Variants in SPRED2 observed in about 807,000 individuals in gnomAD.
The protein encoded by SPRED2 is sprouty-related, EVH1 domain-containing protein 2.
A neutral mutation model predicts 43.0 loss-of-function variants in SPRED2; 47 were observed. The ratio of observed to expected loss-of-function variants is 1.09; its 90% CI spans 0.87 to 1.40. SPRED2 has a LOEUF of 1.40. SPRED2 is among the 40% of genes most tolerant of loss of function. The probability of loss-of-function intolerance (pLI) is 0.00; values close to 1 mark genes in which losing one functional copy is unlikely to be tolerated. For synonymous variants in SPRED2, 225 were observed against 225.7 expected (o/e 1.00, Z 0.03); for missense variants, 561 against 586.4 (o/e 0.96, Z 0.45).
chr2:65,366,688 T>C, intron 1 of SPRED2: 1 of 1,537,214 alleles, frequency 6.5e-7, no homozygotes, highest in Non-Finnish European at 8.8e-7. Context: ...GATCGTCTCT[T>C]GCTGACCTGA....
intron 1 of SPRED2, among the ~76,000 whole-genome samples, chr2:65,382,753 A>G (rs140661185): frequency 7.9e-5 from 12 of 152,362 alleles, no homozygotes; most frequent in Non-Finnish European, 1.5e-4. Context: ...TCTTTTTGTA[A>G]TAAGGCTTCA....
chr2:65,424,838 G>A (rs1164246207), intron 1 of SPRED2, among the ~76,000 whole-genome samples: 1 of 151,958 alleles, frequency 6.6e-6, no homozygotes, highest in Non-Finnish European at 1.5e-5. Flanking sequence ...TACAATCCCA[G>A]CTACTCAGGA....
At chr2:65,374,687 C>T (rs936158934) in intron 1 of SPRED2, among the ~76,000 whole-genome samples, 1 of 152,192 alleles carries the variant, frequency 6.6e-6, no homozygotes, top group East Asian at 1.9e-4. Flanking sequence ...CCTGGCTCTG[C>T]CACAAACATT....
chr2:65,353,484 T>C (rs1674567856), intron 1 of SPRED2, among the ~76,000 whole-genome samples: 1 of 152,224 alleles, frequency 6.6e-6, no homozygotes. Context: ...AATTTATCAA[T>C]CATTCTTCAG....
At chr2:65,358,369 A>G (rs1290229500) in intron 1 of SPRED2, among the ~76,000 whole-genome samples, 1 of 152,260 alleles carries the variant, frequency 6.6e-6, no homozygotes, top group East Asian at 1.9e-4. Context: ...CTTTAGCCAC[A>G]TGGAAGAAAA....
intron 1 of SPRED2, among the ~76,000 whole-genome samples, chr2:65,391,808 C>G (rs1209333134): frequency 6.6e-6 from 1 of 152,132 alleles, no homozygotes; most frequent in Non-Finnish European, 1.5e-5. Flanking sequence ...GAAAAATGTT[C>G]CCTCACCAAA....
At chr2:65,317,965 G>T (rs1673294458) in intron 4 of SPRED2, among the ~76,000 whole-genome samples, 1 of 152,112 alleles carries the variant, frequency 6.6e-6, no homozygotes, top group South Asian at 2.1e-4. Context: ...TGTACAAGCA[G>T]ATCCCACAGG....
At chr2:65,398,072 A>C (rs948298754) in intron 1 of SPRED2, among the ~76,000 whole-genome samples, 2 of 152,250 alleles carry the variant, frequency 1.3e-5, no homozygotes, top group African/African-American at 4.8e-5. Flanking sequence ...TAGAGAACCA[A>C]GAAATAAAAC....
intron 1 of SPRED2, among the ~76,000 whole-genome samples, chr2:65,386,696 T>C (rs955186687): frequency 6.6e-6 from 1 of 152,218 alleles, no homozygotes; most frequent in African/African-American, 2.4e-5. Context: ...GCTCGGACTA[T>C]CTATATAAGG....
intron 1 of SPRED2, among the ~76,000 whole-genome samples, chr2:65,409,351 C>T (rs949933123): frequency 1.3e-5 from 2 of 152,148 alleles, no homozygotes; most frequent in African/African-American, 4.8e-5. Flanking sequence ...ACTTCATTAG[C>T]AATTTAAAAC....
At chr2:65,384,798 A>T (rs1465577480) in intron 1 of SPRED2, among the ~76,000 whole-genome samples, 1 of 152,146 alleles carries the variant, frequency 6.6e-6, no homozygotes, top group East Asian at 1.9e-4. Context: ...CAGTATGCTT[A>T]TTCATTTGCC....
rs780925605 is a variant in SPRED2 at position 65,313,628 on chromosome 2, C to T, written c.1130G>A (p.Arg377Gln). The change falls in exon 6 of 6, where the codon CGG becomes CAG. Residue 377 changes from arginine (R) to glutamine (Q), a missense_variant. Arg to Gln is a conservative substitution (Grantham distance 43). This residue lies in a region of SPRED2 where 65 missense variants were observed against 60.2 expected (regional missense o/e 1.08). Transcript: ENST00000356388. The part of the protein sequence containing the change: ...CDTSDEKFCL[R>Q]WMALIALSFL... ...AGACAAGGCAATAAGAGCCATCCACCGGAGGCAAAACTTCTCGTCGCTAGT... is the reference window on the plus strand; with the variant it reads ...AGACAAGGCAATAAGAGCCATCCACTGGAGGCAAAACTTCTCGTCGCTAGT... The T allele has an allele frequency of 3.7e-6, 6 of 1,614,034 alleles. No homozygotes were observed. The highest frequency in any genetic ancestry group is 1.7e-5 in the Admixed American group (1 of 59,996).
chr2:65,335,859 C>G (rs1206404166), intron 2 of SPRED2, among the ~76,000 whole-genome samples: 3 of 152,168 alleles, frequency 2.0e-5, no homozygotes, highest in African/African-American at 4.8e-5. Context: ...ATATTTATTC[C>G]TATGGCTTCA....
Position 65,313,358 on chromosome 2 carries a change from G to A in SPRED2, c.*143C>T, listed in dbSNP as rs1238032618. On this transcript the variant is annotated 3_prime_UTR_variant, in exon 6 of 6. Transcript: ENST00000356388. ...ACCCGGCAGCGTCCCTGGCTGGAATGGTGCCTCGAGGTACCAGGGAGCTGG... is the reference window on the plus strand; with the variant it reads ...ACCCGGCAGCGTCCCTGGCTGGAATAGTGCCTCGAGGTACCAGGGAGCTGG... 1 of 1,490,750 alleles carries A rather than the reference G, an allele frequency of 6.7e-7. No homozygotes were observed. The highest frequency in any genetic ancestry group is 8.9e-7 in the Non-Finnish European group (1 of 1,129,574). The allele number at this position is 1,490,750 out of a possible 1,614,324, so 92.3% of individuals were successfully genotyped here.
At chr2:65,358,768 C>T (rs924411307) in intron 1 of SPRED2, among the ~76,000 whole-genome samples, 2 of 152,176 alleles carry the variant, frequency 1.3e-5, no homozygotes, top group African/African-American at 4.8e-5. Flanking sequence ...ATCCAGCCCA[C>T]GAAAGCCCAA....
chr2:65,401,937 G>GCGCACGCACA (rs776512353), intron 1 of SPRED2, among the ~76,000 whole-genome samples: 2 of 114,714 alleles, frequency 1.7e-5, no homozygotes, highest in African/African-American at 6.8e-5. Context: ...GCGCGCGCGC[G>GCGCACGCACA]CACACACACA....
At chr2:65,315,705 C>T (rs572383036) in intron 5 of SPRED2, among the ~76,000 whole-genome samples, 65 of 152,350 alleles carry the variant, frequency 4.3e-4, no homozygotes, top group Admixed American at 6.5e-4. Flanking sequence ...TGCTCTGTTG[C>T]GATGACGCAA....
chr2:65,369,495 G>T (rs1675069521), intron 1 of SPRED2, among the ~76,000 whole-genome samples: 1 of 152,124 alleles, frequency 6.6e-6, no homozygotes, highest in Admixed American at 6.5e-5. Context: ...TTTACTCTAA[G>T]TTTTCTTCAG....
At chr2:65,343,148 C>G (rs980568786) in intron 2 of SPRED2, among the ~76,000 whole-genome samples, 2 of 152,076 alleles carry the variant, frequency 1.3e-5, no homozygotes, top group Non-Finnish European at 2.9e-5. Context: ...GAGATCTAAC[C>G]GAAGGGCTGG....
Sources: allele counts gnomAD v4.1 joint callset (sites outside exome capture counted in the v4.1 genomes callset), GRCh38; gene constraint gnomAD v4.1.1; regional missense constraint gnomAD v4.1.1; transcripts MANE v1.5; gene names NCBI Gene and HGNC (gene_info 2026-07-23, HGNC 2026-07-21).